Variants in DOCK1 observed in about 807,000 individuals in gnomAD.
The protein encoded by DOCK1 is dedicator of cytokinesis protein 1.
DOCK1 carries 138 observed loss-of-function variants against 262.7 expected under a neutral mutation model. The ratio of observed to expected loss-of-function variants is 0.53; its 90% CI spans 0.46 to 0.61. DOCK1 has a LOEUF of 0.61. Among genes scored for constraint, DOCK1 ranks in the 20% least tolerant of loss-of-function variants. DOCK1 has a pLI of 0.00. For missense variants in DOCK1, 1,908 were observed against 2,370.7 expected (o/e 0.80, Z 4.05); for synonymous variants, 866 against 867.4 (o/e 1.00, Z 0.03).
chr10:127,401,072 A>T (rs1321930856), intron 38 of DOCK1, among the ~76,000 whole-genome samples: 1 of 151,556 alleles, frequency 6.6e-6, no homozygotes, highest in East Asian at 1.9e-4. Context: ...CACCAGCCCC[A>T]CTCCTATGGC....
chr10:127,332,916 C>T (rs1471532107), intron 29 of DOCK1, among the ~76,000 whole-genome samples: 1 of 152,178 alleles, frequency 6.6e-6, no homozygotes, highest in Non-Finnish European at 1.5e-5. Flanking sequence ...CTCTGCATCT[C>T]TATTATCACT....
chr10:127,394,675 A>G (rs2066711939), intron 38 of DOCK1, among the ~76,000 whole-genome samples: 1 of 152,198 alleles, frequency 6.6e-6, no homozygotes, highest in African/African-American at 2.4e-5. Flanking sequence ...CTATGCAGTA[A>G]TTGATCATCA....
intron 27 of DOCK1, among the ~76,000 whole-genome samples, chr10:127,188,780 A>G (rs1374652492): frequency 6.6e-6 from 1 of 152,242 alleles, no homozygotes. Flanking sequence ...CAAGCTAGGT[A>G]CCGTTCTGTG....
At chr10:127,194,649 C>G (rs892286525) in intron 27 of DOCK1, among the ~76,000 whole-genome samples, 5 of 152,132 alleles carry the variant, frequency 3.3e-5, no homozygotes, top group African/African-American at 1.2e-4. Context: ...ACCCAGCCAG[C>G]GCAGTCACTC....
chr10:127,216,519 C>T (rs928592929), intron 27 of DOCK1, among the ~76,000 whole-genome samples: 9 of 152,048 alleles, frequency 5.9e-5, no homozygotes, highest in South Asian at 2.1e-4. Flanking sequence ...GTTCTTGATG[C>T]GTGTGCCTTA....
At chr10:127,432,627 T>C (rs1409688781) in intron 47 of DOCK1, among the ~76,000 whole-genome samples, 1 of 152,122 alleles carries the variant, frequency 6.6e-6, no homozygotes, top group African/African-American at 2.4e-5. Flanking sequence ...GACACTTGCT[T>C]CTGTAATATG....
intron 27 of DOCK1, among the ~76,000 whole-genome samples, chr10:127,129,655 C>T (rs559788118): frequency 5.3e-5 from 8 of 152,286 alleles, no homozygotes; most frequent in South Asian, 4.2e-4. Context: ...GGAGTCGTGC[C>T]GCAGGTGCAC....
intron 25 of DOCK1, among the ~76,000 whole-genome samples, chr10:127,112,357 G>T (rs1007153799): frequency 6.6e-6 from 1 of 152,060 alleles, no homozygotes; most frequent in African/African-American, 2.4e-5. Context: ...TCTTTAGGTC[G>T]TAGAAAGCTT....
intron 27 of DOCK1, among the ~76,000 whole-genome samples, chr10:127,220,922 G>C (rs183638580): frequency 1.3e-5 from 2 of 152,128 alleles, no homozygotes; most frequent in East Asian, 3.9e-4. Context: ...TCTCTATGCC[G>C]ATGCTTTCAG....
intron 25 of DOCK1, among the ~76,000 whole-genome samples, chr10:127,122,564 A>G (rs975839358): frequency 6.6e-6 from 1 of 151,716 alleles, no homozygotes; most frequent in Non-Finnish European, 1.5e-5. Flanking sequence ...TTGACTGGCC[A>G]TGGATGGCTG....
chr10:127,179,166 C>T (rs1450451794), intron 27 of DOCK1, among the ~76,000 whole-genome samples: 1 of 152,234 alleles, frequency 6.6e-6, no homozygotes, highest in Non-Finnish European at 1.5e-5. Context: ...TATTCATCAT[C>T]ACCATTTGCT....
chr10:126,912,686 A>C (rs1342925177), intron 1 of DOCK1, among the ~76,000 whole-genome samples: 1 of 148,690 alleles, frequency 6.7e-6, no homozygotes, highest in Admixed American at 6.8e-5. Flanking sequence ...AGATCGCGCC[A>C]CCGTACTCCA....
At chr10:127,306,168 C>G (rs2061867987) in intron 29 of DOCK1, among the ~76,000 whole-genome samples, 1 of 152,104 alleles carries the variant, frequency 6.6e-6, no homozygotes, top group African/African-American at 2.4e-5. Context: ...GTGCCCAACA[C>G]CATGCCCAGC....
intron 27 of DOCK1, among the ~76,000 whole-genome samples, chr10:127,194,904 G>T (rs2056996892): frequency 2.0e-5 from 1 of 49,408 alleles, no homozygotes; most frequent in Admixed American, 2.0e-4. Context: ...AAAGTAAACC[G>T]CTTCACCGCT....
chr10:127,072,192 T>C (rs963604710), intron 23 of DOCK1, among the ~76,000 whole-genome samples: 1 of 152,184 alleles, frequency 6.6e-6, no homozygotes, highest in Non-Finnish European at 1.5e-5. Context: ...AGTGAGCAGG[T>C]CTCAGAGTTA....
At chr10:127,014,139 A>G (rs1369209918) in intron 12 of DOCK1, among the ~76,000 whole-genome samples, 1 of 152,156 alleles carries the variant, frequency 6.6e-6, no homozygotes, top group Non-Finnish European at 1.5e-5. Flanking sequence ...GGTTTATGCC[A>G]ACATGTTTCC....
intron 21 of DOCK1, among the ~76,000 whole-genome samples, chr10:127,046,292 G>A (rs2044341241): frequency 6.6e-6 from 1 of 152,160 alleles, no homozygotes; most frequent in Non-Finnish European, 1.5e-5. Flanking sequence ...TATATGGCAA[G>A]GTGTGTTTTC....
chr10:127,247,972 T>C (rs1258198956), intron 27 of DOCK1, 36 bp from the exon 28 acceptor site: 7 of 1,598,222 alleles, frequency 4.4e-6, no homozygotes, highest in Middle Eastern at 1.7e-4. Context: ...AGTGTTGCTC[T>C]GTCTCATCTA....
chr10:126,980,763 G>C (rs1185749511), intron 3 of DOCK1, among the ~76,000 whole-genome samples: 1 of 151,984 alleles, frequency 6.6e-6, no homozygotes, highest in Non-Finnish European at 1.5e-5. Context: ...CCCACAACAG[G>C]TGCCTTGAAG....
Sources: gnomAD v4.1 joint callset for allele counts (sites outside exome capture counted in the v4.1 genomes callset) on GRCh38, gnomAD v4.1.1 for gene constraint, MANE v1.5 for transcripts, NCBI Gene and HGNC (gene_info 2026-07-23, HGNC 2026-07-21) for gene names.